FHDC1: variants seen among roughly 807,000 people sequenced by gnomAD.
FHDC1 encodes FH2 domain containing 1.
Under a neutral mutation model 52.6 loss-of-function variants are expected in FHDC1, and 25 were observed. That is an observed-to-expected ratio of 0.48 (90% CI 0.35 to 0.66). The LOEUF (loss-of-function observed/expected upper bound fraction) is 0.66, where lower values mean the gene tolerates loss of function less well. Among genes scored for constraint, FHDC1 ranks in the 30% least tolerant of loss-of-function variants. FHDC1 has a pLI of 0.01. For missense variants in FHDC1, 1,459 were observed against 1,452.8 expected, an observed-to-expected ratio of 1.00 and a Z score of -0.07; for synonymous variants, 616 against 581.5, an observed-to-expected ratio of 1.06 and a Z score of -0.85.
chr4:152,916,029 G>A, the FHDC1 span, among the ~76,000 whole-genome samples: 5 of 152,166 alleles, frequency 3.3e-5, no homozygotes, highest in East Asian at 9.7e-4. Context: ...GAAGATACAG[G>A]GGGTTAAGGA....
chr4:152,943,780 A>G (rs1739649143), intron 2 of FHDC1, among the ~76,000 whole-genome samples: 1 of 152,198 alleles, frequency 6.6e-6, no homozygotes, highest in South Asian at 2.1e-4. Context: ...CTGGTGGATT[A>G]TGACCTCATG....
At chr4:152,941,331 T>G (rs1039163755) in intron 1 of FHDC1, among the ~76,000 whole-genome samples, 1 of 152,230 alleles carries the variant, frequency 6.6e-6, no homozygotes, top group Non-Finnish European at 1.5e-5. Context: ...ACTTGGCATT[T>G]TATCTATAAA....
At chr4:152,932,583 CAG>C (rs1442068223), upstream of FHDC1, among the ~76,000 whole-genome samples, 1 of 152,138 alleles carries the variant, frequency 6.6e-6, no homozygotes, top group African/African-American at 2.4e-5. Context: ...ATAATGTGGA[CAG>C]AGTTTGTTTC....
chr4:152,943,002 G>A lies in FHDC1; in HGVS notation c.-56G>A. On this transcript the variant is annotated 5_prime_UTR_variant, in exon 2 of 12. It removes an upstream start codon present in the reference 5' UTR. Coordinates refer to ENST00000511601, the MANE Select transcript of FHDC1 (RefSeq NM_001371116.1). ...TGAAAAAGTGCTACACAAGTTTGAT[G>A]TTTGTGTCTTCTTCTCCAAGGCCAA... is the stretch of plus-strand genomic sequence containing the variant. 6.5e-7 allele frequency: 1 copy of A among 1,546,570 alleles called. No homozygotes were observed. The highest frequency in any genetic ancestry group is 1.3e-5 in the South Asian group (1 of 79,938).
chr4:152,969,681 T>C (rs1173755045), intron 10 of FHDC1, among the ~76,000 whole-genome samples: 1 of 150,640 alleles, frequency 6.6e-6, no homozygotes, highest in Non-Finnish European at 1.5e-5. Flanking sequence ...TTTTTTTTTT[T>C]TTTCCCGAGA....
the FHDC1 span, among the ~76,000 whole-genome samples, chr4:152,924,510 G>A: frequency 6.6e-6 from 1 of 152,126 alleles, no homozygotes; most frequent in Admixed American, 6.5e-5. Context: ...CCATTACTGG[G>A]TATATATCCA....
intron 2 of FHDC1, among the ~76,000 whole-genome samples, chr4:152,949,568 A>G (rs1739861049): frequency 6.6e-6 from 1 of 152,226 alleles, no homozygotes; most frequent in Non-Finnish European, 1.5e-5. Flanking sequence ...CCTTCAAAGG[A>G]TATGGGAGGC....
chr4:152,937,203 C>T (rs935699393), intron 1 of FHDC1, among the ~76,000 whole-genome samples: 5 of 152,032 alleles, frequency 3.3e-5, no homozygotes, highest in African/African-American at 1.2e-4. Context: ...GCAGTGCGGC[C>T]GTGAGGCTTT....
At chr4:152,968,170 T>C in intron 10 of FHDC1, 73 bp downstream of exon 10, 1 of 1,029,470 alleles carries the variant, frequency 9.7e-7, no homozygotes, top group Non-Finnish European at 1.5e-6. Context: ...TAAATTTGCA[T>C]GGGTGTATTT....
At chr4:152,971,220 G>C (rs1740627459) in intron 10 of FHDC1, among the ~76,000 whole-genome samples, 1 of 152,152 alleles carries the variant, frequency 6.6e-6, no homozygotes. Flanking sequence ...ACTGGGTGTA[G>C]TGGTGCATAG....
intron 6 of FHDC1, among the ~76,000 whole-genome samples, chr4:152,962,415 C>T (rs757105318): frequency 1.3e-5 from 2 of 152,120 alleles, no homozygotes; most frequent in African/African-American, 2.4e-5. Flanking sequence ...TCCATAAATG[C>T]GGTCTCTTTG....
At chr4:152,938,503 C>G (rs114411606) in intron 1 of FHDC1, among the ~76,000 whole-genome samples, 2,285 of 152,194 alleles carry the variant, frequency 0.015, 51 homozygotes, top group African/African-American at 0.051. Flanking sequence ...GGTGGAGGAG[C>G]CTTTTCCCGA....
intron 4 of FHDC1, among the ~76,000 whole-genome samples, chr4:152,960,087 TACTC>T (rs1740230881): frequency 6.6e-6 from 1 of 152,242 alleles, no homozygotes; most frequent in South Asian, 2.1e-4. Flanking sequence ...TGTTAGATCT[TACTC>T]AGTCTAAGTA....
At chr4:152,918,940 A>G in the FHDC1 span, among the ~76,000 whole-genome samples, 2 of 152,232 alleles carry the variant, frequency 1.3e-5, no homozygotes, top group Non-Finnish European at 2.9e-5. Flanking sequence ...ACCTGATTCC[A>G]CTAACACCTT....
chr4:152,953,485 A>ATT lies in FHDC1; in HGVS notation c.499-6_499-5dup. The ATT allele has an allele frequency of 6.4e-7, 1 of 1,571,022 alleles. No individual in the cohort carries two copies. The highest frequency in any genetic ancestry group is 8.7e-7 in the Non-Finnish European group (1 of 1,149,670). On this transcript the variant is annotated splice_polypyrimidine_tract_variant and intron_variant, in intron 2 of 11. Transcript: ENST00000511601. ...GAATTTAGTAATCCTATGTGTCCTT[A>ATT]TTTTTTTTTCCAGATTACTATTTTG...
chr4:152,932,654 C>G (rs1353747240), upstream of FHDC1, among the ~76,000 whole-genome samples: 2 of 152,148 alleles, frequency 1.3e-5, no homozygotes, highest in Non-Finnish European at 2.9e-5. Flanking sequence ...TACTGAACAA[C>G]TGATCTAATC....
chr4:152,967,890 A>G (rs1232777725), intron 9 of FHDC1, 90 bp from the exon 10 acceptor site: 2 of 901,078 alleles, frequency 2.2e-6, no homozygotes, highest in African/African-American at 1.7e-5. Context: ...TCTGTTTCCA[A>G]GGTTGAACAA....
intron 5 of FHDC1, 43 bp from the exon 6 acceptor site, chr4:152,960,696 TTAAAC>T: frequency 6.2e-7 from 1 of 1,612,196 alleles, no homozygotes; most frequent in Non-Finnish European, 8.5e-7. Context: ...AGTAAGATTT[TTAAAC>T]TAATGACATC....
intron 2 of FHDC1, among the ~76,000 whole-genome samples, chr4:152,943,780 A>T (rs1739649143): frequency 6.6e-6 from 1 of 152,198 alleles, no homozygotes; most frequent in Non-Finnish European, 1.5e-5. Flanking sequence ...CTGGTGGATT[A>T]TGACCTCATG....
Sources: allele counts gnomAD v4.1 joint callset (sites outside exome capture counted in the v4.1 genomes callset), GRCh38; gene constraint gnomAD v4.1.1; transcripts MANE v1.5; gene names NCBI Gene and HGNC (gene_info 2026-07-23, HGNC 2026-07-21).